Variants in LPP observed in about 807,000 individuals in gnomAD.
LPP encodes the protein lipoma-preferred partner.
Under a neutral mutation model 60.4 loss-of-function variants are expected in LPP, and 38 were observed. The ratio of observed to expected loss-of-function variants is 0.63; its 90% CI spans 0.49 to 0.83. The LOEUF (loss-of-function observed/expected upper bound fraction) is 0.83. LPP is among the 40% of genes least tolerant of loss of function. The pLI is 0.00. For missense variants in LPP, 902 were observed against 783.6 expected (o/e 1.15, Z -1.80); for synonymous variants, 328 against 290.8 (o/e 1.13, Z -1.30).
chr3:188,398,340 G>A (rs931342442), intron 3 of LPP, among the ~76,000 whole-genome samples: 1 of 152,224 alleles, frequency 6.6e-6, no homozygotes, highest in South Asian at 2.1e-4. Context: ...GACCCAATTA[G>A]TGACTGAGCT....
At chr3:188,848,749 C>G (rs759697793) in intron 9 of LPP, among the ~76,000 whole-genome samples, 2 of 152,160 alleles carry the variant, frequency 1.3e-5, no homozygotes, top group Non-Finnish European at 2.9e-5. Context: ...GGATGGATCA[C>G]AAGGTCAAGA....
chr3:188,456,806 C>T (rs907009363), intron 4 of LPP, among the ~76,000 whole-genome samples: 3 of 152,114 alleles, frequency 2.0e-5, no homozygotes, highest in East Asian at 1.9e-4. Flanking sequence ...AAAATAAATG[C>T]GTGGAGTGAC....
Position 188,417,198 on chromosome 3 carries a change from G to A in LPP, c.193+10885G>A, listed in dbSNP as rs377158316. Reference sequence around the variant, plus strand: ...TGTTCTTTACATTGTTCTGTATGTCGCTGTCTTCAAACAGAATAGATAAGT... The same window carrying A: ...TGTTCTTTACATTGTTCTGTATGTCACTGTCTTCAAACAGAATAGATAAGT... On this transcript the variant is annotated intron_variant, in intron 4 of 11. Coordinates refer to ENST00000617246, the MANE Select transcript of LPP (RefSeq NM_001375462.1). Among the ~76,000 whole-genome samples, 11 of 151,840 alleles carry A rather than the reference G, an allele frequency of 7.2e-5. No homozygotes were observed. The East Asian group carries it at 1.7e-3, about 24-fold the overall frequency.
At chr3:188,376,160 G>C (rs146059085) in intron 3 of LPP, among the ~76,000 whole-genome samples, 63,066 of 151,864 alleles carry the variant, frequency 0.42, 14,050 homozygotes, top group East Asian at 0.66. Context: ...GTGGTGTGGT[G>C]CTGAAAAAAA....
rs1761431365 is a variant in LPP, at chr3:188,846,491, C to T, written c.1411-19709C>T. Reference sequence around the variant, plus strand: ...GTGAGGTCAGGGGTTCAAGACCAGCCTGGCCAACATAATGAAACCCCGTCT... The same window carrying T: ...GTGAGGTCAGGGGTTCAAGACCAGCTTGGCCAACATAATGAAACCCCGTCT... On this transcript the variant is annotated intron_variant, in intron 9 of 11. Coordinates refer to ENST00000617246, the MANE Select transcript of LPP (RefSeq NM_001375462.1). Among the ~76,000 whole-genome samples, 4 of 151,936 alleles carry T rather than the reference C, an allele frequency of 2.6e-5. No homozygotes were observed. In the South Asian group the frequency reaches 8.3e-4, roughly 32 times the overall value.
chr3:188,837,269 C>T (rs1401200663), intron 9 of LPP, among the ~76,000 whole-genome samples: 2 of 151,798 alleles, frequency 1.3e-5, no homozygotes, highest in African/African-American at 4.8e-5. Flanking sequence ...GTCCCAGCTA[C>T]TCGGGAGGCT....
chr3:188,271,566 G>A (rs1737741299), intron 2 of LPP, among the ~76,000 whole-genome samples: 1 of 152,132 alleles, frequency 6.6e-6, no homozygotes, highest in Non-Finnish European at 1.5e-5. Context: ...TAAAACTCTG[G>A]CCCTAAGGTG....
chr3:188,316,697 A>G (rs534310066), intron 2 of LPP, among the ~76,000 whole-genome samples: 16 of 152,296 alleles, frequency 1.1e-4, no homozygotes, highest in Admixed American at 1.0e-3. Flanking sequence ...ACCTCTTCCT[A>G]TGTCTCATTT....
At chr3:188,812,790 TC>T (rs1751398343) in intron 9 of LPP, among the ~76,000 whole-genome samples, 12 of 151,976 alleles carry the variant, frequency 7.9e-5, no homozygotes, top group Admixed American at 7.9e-4. Context: ...TCTCTCTCTC[TC>T]TCTCGCTGCA....
chr3:188,306,478 T>C (rs893736302), intron 2 of LPP, among the ~76,000 whole-genome samples: 4 of 152,164 alleles, frequency 2.6e-5, no homozygotes, highest in Admixed American at 6.5e-5. Context: ...GTCCAGGATA[T>C]GTTAGGCCAT....
chr3:188,515,621 G>A (rs567314593), intron 5 of LPP, among the ~76,000 whole-genome samples: 1 of 152,282 alleles, frequency 6.6e-6, no homozygotes, highest in East Asian at 1.9e-4. Context: ...TTATGGAAAT[G>A]TATTCCCCCT....
chr3:188,700,927 A>G (rs1864275847), intron 7 of LPP, among the ~76,000 whole-genome samples: 2 of 152,234 alleles, frequency 1.3e-5, no homozygotes, highest in South Asian at 4.1e-4. Context: ...GTAGAACCAA[A>G]GGAAGCTTTG....
chr3:188,163,335 C>T (rs1231909252), intron 1 of LPP, among the ~76,000 whole-genome samples: 2 of 152,100 alleles, frequency 1.3e-5, no homozygotes, highest in South Asian at 2.1e-4. Context: ...GGGTCACTGA[C>T]CTTAAAGGAG....
intron 2 of LPP, among the ~76,000 whole-genome samples, chr3:188,232,017 CAT>C (rs1268441568): frequency 1.3e-5 from 2 of 152,152 alleles, no homozygotes; most frequent in African/African-American, 2.4e-5. Flanking sequence ...CAAGACCAGA[CAT>C]AAAACCTCAG....
chr3:188,877,682 C>CA lies in LPP; in HGVS notation c.*3209dup, dbSNP rs1452608707. 2 of 181,750 alleles carry CA rather than the reference C, an allele frequency of 1.1e-5. No individual in the cohort carries two copies. The highest frequency in any genetic ancestry group is 2.3e-5 in the Non-Finnish European group (2 of 85,638). 11.3% of individuals were successfully genotyped at this position (181,750 alleles called of 1,614,324 possible). On this transcript the variant is annotated 3_prime_UTR_variant, in exon 12 of 12. Transcript: ENST00000617246. ...GCAACATAGTGAGACCTTGTCTCTA[C>CA]AAAAAATAAAATAAAATAAAAACCA...
intron 1 of LPP, among the ~76,000 whole-genome samples, chr3:188,191,865 A>G (rs1728265210): frequency 6.6e-6 from 1 of 152,192 alleles, no homozygotes; most frequent in African/African-American, 2.4e-5. Context: ...CAAGTTATCC[A>G]TGCAGACAGA....
intron 4 of LPP, among the ~76,000 whole-genome samples, chr3:188,482,162 G>A (rs1164653531): frequency 6.6e-6 from 1 of 152,160 alleles, no homozygotes; most frequent in Non-Finnish European, 1.5e-5. Flanking sequence ...CTTCTGCCGT[G>A]ATTGTAACTT....
intron 6 of LPP, among the ~76,000 whole-genome samples, chr3:188,540,639 C>T (rs1284818498): frequency 1.3e-5 from 2 of 152,188 alleles, no homozygotes; most frequent in Non-Finnish European, 2.9e-5. Context: ...ATTATAGTAT[C>T]TATCTCCCAG....
intron 9 of LPP, among the ~76,000 whole-genome samples, chr3:188,776,153 G>A (rs1737698448): frequency 6.6e-6 from 1 of 152,320 alleles, no homozygotes; most frequent in African/African-American, 2.4e-5. Context: ...ACAAGGCAAA[G>A]TAATCCAACT....
Sources: allele counts gnomAD v4.1 joint callset (sites outside exome capture counted in the v4.1 genomes callset), GRCh38; gene constraint gnomAD v4.1.1; transcripts MANE v1.5; gene names NCBI Gene and HGNC (gene_info 2026-07-23, HGNC 2026-07-21).